Variants in TNR observed in about 807,000 individuals in gnomAD.
TNR encodes the protein tenascin-R.
TNR carries 45 observed loss-of-function variants against 150.4 expected under a neutral mutation model. The observed-to-expected ratio is 0.30, with a 90% CI of 0.24 to 0.38. The LOEUF (loss-of-function observed/expected upper bound fraction) is 0.38. Among genes scored for constraint, TNR ranks in the 10% least tolerant of loss-of-function variants. The pLI, the probability that TNR is intolerant of heterozygous loss-of-function variation, is 1.00. For missense variants in TNR, 1,544 were observed against 1,759.1 expected (o/e 0.88, Z 2.19); for synonymous variants, 687 against 678.4 (o/e 1.01, Z -0.20).
chr1:175,728,264 G>A (rs1667534576), intron 1 of TNR, among the ~76,000 whole-genome samples: 1 of 152,214 alleles, frequency 6.6e-6, no homozygotes, highest in Admixed American at 6.5e-5. Context: ...TGTAATTGCT[G>A]GAGTTGGAAT....
At chr1:175,549,635 T>C (rs1284418847) in intron 1 of TNR, among the ~76,000 whole-genome samples, 1 of 152,218 alleles carries the variant, frequency 6.6e-6, no homozygotes, top group Non-Finnish European at 1.5e-5. Flanking sequence ...GCCTTACTTT[T>C]TTTCAGCTTG....
chr1:175,627,409 A>G (rs1171392445), intron 1 of TNR, among the ~76,000 whole-genome samples: 2 of 152,226 alleles, frequency 1.3e-5, no homozygotes. Context: ...AAAACAGAAC[A>G]GTGGATGGGG....
At chr1:175,682,039 G>C (rs899271118) in intron 1 of TNR, among the ~76,000 whole-genome samples, 6 of 152,164 alleles carry the variant, frequency 3.9e-5, no homozygotes, top group Non-Finnish European at 7.4e-5. Context: ...TTTGTCATCA[G>C]AGATGGTTCC....
intron 22 of TNR, 34 bp from the exon 23 acceptor site, chr1:175,323,510 C>T (rs368099970): frequency 9.3e-6 from 15 of 1,606,958 alleles, no homozygotes; most frequent in Non-Finnish European, 1.2e-5. Context: ...GTCAGGTCAT[C>T]CCCCACCATG....
At chr1:175,375,558 G>A (rs1289140752) in intron 9 of TNR, among the ~76,000 whole-genome samples, 1 of 152,166 alleles carries the variant, frequency 6.6e-6, no homozygotes, top group Non-Finnish European at 1.5e-5. Flanking sequence ...GAGGTCAAGA[G>A]GGGGTACTTG....
chr1:175,643,269 A>T (rs972167145), intron 1 of TNR, among the ~76,000 whole-genome samples: 2 of 152,182 alleles, frequency 1.3e-5, no homozygotes, highest in African/African-American at 2.4e-5. Context: ...CAGTTGTAAG[A>T]GGACTTATGT....
At chr1:175,637,089 A>G (rs1664511073) in intron 1 of TNR, among the ~76,000 whole-genome samples, 2 of 152,238 alleles carry the variant, frequency 1.3e-5, no homozygotes, top group Admixed American at 6.5e-5. Context: ...GTTAGTCCCT[A>G]TAGACTTAGT....
At chr1:175,732,892 T>C (rs535318416) in intron 1 of TNR, among the ~76,000 whole-genome samples, 2 of 152,348 alleles carry the variant, frequency 1.3e-5, no homozygotes, top group South Asian at 2.1e-4. Context: ...AAAATAGTTT[T>C]TGTCATGTAG....
chr1:175,431,863 G>A (rs1337283727), intron 2 of TNR, among the ~76,000 whole-genome samples: 1 of 133,862 alleles, frequency 7.5e-6, no homozygotes, highest in African/African-American at 3.0e-5. Context: ...GTGGAGGCAG[G>A]GGGCAGGGGG....
chr1:175,696,002 A>ATGGATGGATGGT (rs761989719), intron 1 of TNR, among the ~76,000 whole-genome samples: 18 of 151,794 alleles, frequency 1.2e-4, no homozygotes, highest in African/African-American at 4.1e-4. Flanking sequence ...GGATGGATGG[A>ATGGATGGATGGT]TGGATGGATG....
intron 1 of TNR, among the ~76,000 whole-genome samples, chr1:175,741,632 C>T (rs1667934642): frequency 6.6e-6 from 1 of 152,172 alleles, no homozygotes; most frequent in Admixed American, 6.5e-5. Flanking sequence ...TTCCTGGATG[C>T]ATTCTACTTC....
At chr1:175,598,196 C>A (rs1481879590) in intron 1 of TNR, among the ~76,000 whole-genome samples, 2 of 152,200 alleles carry the variant, frequency 1.3e-5, no homozygotes, top group East Asian at 3.9e-4. Flanking sequence ...ATGAACTTCC[C>A]TCAGGAAGTA....
chr1:175,474,526 A>T (rs1657460440), intron 2 of TNR, among the ~76,000 whole-genome samples: 1 of 152,208 alleles, frequency 6.6e-6, no homozygotes, highest in Non-Finnish European at 1.5e-5. Flanking sequence ...AGCTGTGGCA[A>T]TTTGTTATGG....
chr1:175,427,638 G>A (rs1301966452), intron 2 of TNR, among the ~76,000 whole-genome samples: 2 of 150,686 alleles, frequency 1.3e-5, no homozygotes, highest in Non-Finnish European at 3.0e-5. Flanking sequence ...GGTCTTTACA[G>A]GTATATGAGA....
At chr1:175,523,153 C>T (rs1021422092) in intron 2 of TNR, among the ~76,000 whole-genome samples, 7 of 152,188 alleles carry the variant, frequency 4.6e-5, no homozygotes, top group Non-Finnish European at 8.8e-5. Context: ...TCAACCACTT[C>T]CCTTGACTGG....
intron 2 of TNR, among the ~76,000 whole-genome samples, chr1:175,504,349 C>A (rs987053186): frequency 2.6e-5 from 4 of 151,994 alleles, no homozygotes; most frequent in African/African-American, 7.2e-5. Flanking sequence ...TAGATGTGGA[C>A]ACTGAGGCTT....
intron 2 of TNR, among the ~76,000 whole-genome samples, chr1:175,458,205 T>C (rs1393252480): frequency 1.3e-5 from 2 of 152,242 alleles, no homozygotes; most frequent in East Asian, 3.8e-4. Context: ...AAATTCCCTC[T>C]TTCTTGCAAG....
chr1:175,326,122 T>G (rs1164177297), intron 21 of TNR, among the ~76,000 whole-genome samples: 2 of 152,168 alleles, frequency 1.3e-5, no homozygotes, highest in Non-Finnish European at 2.9e-5. Flanking sequence ...GTGAGATTTT[T>G]ATTCTGAGGG....
chr1:175,477,510 A>G (rs1289109591), intron 2 of TNR, among the ~76,000 whole-genome samples: 1 of 152,148 alleles, frequency 6.6e-6, no homozygotes, highest in Non-Finnish European at 1.5e-5. Context: ...TTGTTTGTAA[A>G]GTGTTGGGCA....
Sources: gnomAD v4.1 joint callset for allele counts (sites outside exome capture counted in the v4.1 genomes callset) on GRCh38, gnomAD v4.1.1 for gene constraint, MANE v1.5 for transcripts, NCBI Gene and HGNC (gene_info 2026-07-23, HGNC 2026-07-21) for gene names.